VAC14: variants seen among roughly 807,000 people sequenced by gnomAD.
VAC14 encodes VAC14 component of PIKFYVE complex.
Under a neutral mutation model 85.3 loss-of-function variants are expected in VAC14, and 47 were observed. That is an observed-to-expected ratio of 0.55 (90% CI 0.44 to 0.70). VAC14 has a LOEUF of 0.70. Ranked by LOEUF, VAC14 falls within the 30% of genes least tolerant of loss-of-function variation. VAC14 has a pLI of 0.00. For missense variants in VAC14, 861 were observed against 1,004.3 expected, an observed-to-expected ratio of 0.86 and a Z score of 1.93; for synonymous variants, 447 against 430.5, an observed-to-expected ratio of 1.04 and a Z score of -0.47.
chr16:70,755,311 C>G (rs1230840719), intron 12 of VAC14: 2 of 243,270 alleles, frequency 8.2e-6, no homozygotes, highest in Non-Finnish European at 1.7e-5. Flanking sequence ...AGAATGAGGT[C>G]AAAGTTAAAT....
In VAC14 at chr16:70,687,916, G is replaced by A. The variant is rs201590204; in HGVS notation, c.*12C>T. 1.2e-4 allele frequency: 187 copies of A among 1,522,406 alleles called. 1 individual carries two copies. The highest frequency in any genetic ancestry group is 9.4e-4 in the East Asian group (38 of 40,606). 94.3% of individuals were successfully genotyped at this position (1,522,406 alleles called of 1,614,324 possible). A position where few individuals can be genotyped will look rare whatever the true frequency, so the allele number is the denominator to read the frequency against. On this transcript the variant is annotated 3_prime_UTR_variant, in exon 19 of 19. Transcript: ENST00000261776. ...GGGACCACTCGGTGGGCCCTCCTCC[G>A]TGCCAGGCCTGTCAGAGGACAACCC...
chr16:70,692,022 C>G lies in VAC14; in HGVS notation c.2186+799G>C, dbSNP rs1184180210. 4 of 984,556 alleles carry G rather than the reference C, an allele frequency of 4.1e-6. No homozygotes were observed. The African/African-American group carries it at 7.0e-5, about 17-fold the overall frequency. The allele number at this position is 984,556 out of a possible 1,614,324, so 61.0% of individuals were successfully genotyped here. On this transcript the variant is annotated intron_variant, in intron 18 of 18. Coordinates refer to ENST00000261776, the MANE Select transcript of VAC14 (RefSeq NM_018052.5). ...GCGCTCCATTCAGCGTAAATCTTCT[C>G]AGTGGCTCTGCTGGTTTCCATGGCG...
Position 70,781,920 on chromosome 16 carries a change from CGGA to C in VAC14, c.892_894del (p.Ser298del), listed in dbSNP as rs1567601300. 1 of 1,614,130 alleles carries C rather than the reference CGGA, an allele frequency of 6.2e-7. No homozygotes were observed. Among genetic ancestry groups the C allele is most frequent in the Non-Finnish European group, 8.5e-7 (1 of 1,180,028 alleles). ...CAGGGCAAGACAGCAGTCAGGATCC[CGGA>C]GGAGTAAGGCAGCATGACGCGGCCC... On this transcript the variant is annotated inframe_deletion, in exon 8 of 19. Coordinates refer to ENST00000261776, the MANE Select transcript of VAC14 (RefSeq NM_018052.5).
Position 70,687,475 on chromosome 16 carries a change from G to C in VAC14, c.*453C>G, listed in dbSNP as rs951771852. On this transcript the variant is annotated 3_prime_UTR_variant, in exon 19 of 19. Coordinates refer to ENST00000261776, the MANE Select transcript of VAC14 (RefSeq NM_018052.5). ...CTGTTATTTCTTTATTGGGGTGGGGGTGGGGTGCATCATTCAGATCTTTGT... is the reference window on the plus strand; with the variant it reads ...CTGTTATTTCTTTATTGGGGTGGGGCTGGGGTGCATCATTCAGATCTTTGT... 1 of 151,836 alleles carries C rather than the reference G, an allele frequency of 6.6e-6. No individual in the cohort carries two copies. The highest frequency in any genetic ancestry group is 1.5e-5 in the Non-Finnish European group (1 of 68,646). 9.4% of individuals were successfully genotyped at this position (151,836 alleles called of 1,614,324 possible).
intron 1 of VAC14, among the ~76,000 whole-genome samples, chr16:70,799,511 G>A (rs1471285067): frequency 6.6e-6 from 1 of 152,188 alleles, no homozygotes; most frequent in African/African-American, 2.4e-5. Flanking sequence ...TGGATTGCAA[G>A]CAGCAGTTGT....
intron 16 of VAC14, 96 bp from the exon 17 acceptor site, chr16:70,695,719 C>T: frequency 8.3e-7 from 1 of 1,203,326 alleles, no homozygotes. Context: ...GCTTCCTGTG[C>T]ACAGAGCCTG....
At chr16:70,694,538 C>T (rs1387928852) in intron 17 of VAC14, among the ~76,000 whole-genome samples, 1 of 152,148 alleles carries the variant, frequency 6.6e-6, no homozygotes, top group Non-Finnish European at 1.5e-5. Flanking sequence ...TTCTTCAGCC[C>T]CTGCATTCAA....
chr16:70,745,639 C>T (rs1196808509), intron 12 of VAC14, among the ~76,000 whole-genome samples: 1 of 152,232 alleles, frequency 6.6e-6, no homozygotes. Flanking sequence ...CAGGTGGTCG[C>T]CTGCTCTTTC....
chr16:70,729,518 C>T (rs956447618), intron 14 of VAC14, among the ~76,000 whole-genome samples: 6 of 152,146 alleles, frequency 3.9e-5, no homozygotes, highest in African/African-American at 1.4e-4. Context: ...CCCTCAACTC[C>T]CCCAGCAGCA....
intron 12 of VAC14, among the ~76,000 whole-genome samples, chr16:70,756,503 G>C (rs888663524): frequency 6.6e-6 from 1 of 152,218 alleles, no homozygotes; most frequent in Non-Finnish European, 1.5e-5. Context: ...ATGGCAGGGG[G>C]TGCTTCCCAG....
At chr16:70,784,268 G>A (rs1189734646) in intron 4 of VAC14, 48 bp from the exon 5 acceptor site, 1 of 1,496,570 alleles carries the variant, frequency 6.7e-7, no homozygotes, top group African/African-American at 1.4e-5. Context: ...GACCAGGGCT[G>A]CCTGACCTCG....
At chr16:70,753,756 G>C (rs187353717) in intron 12 of VAC14, among the ~76,000 whole-genome samples, 1 of 152,318 alleles carries the variant, frequency 6.6e-6, no homozygotes, top group Non-Finnish European at 1.5e-5. Flanking sequence ...AGGGAATTCT[G>C]GTGACAGTCC....
chr16:70,778,756 G>A (rs2033653393), intron 9 of VAC14: 1 of 152,138 alleles, frequency 6.6e-6, no homozygotes, highest in Non-Finnish European at 1.5e-5. Flanking sequence ...ATTAAAAACT[G>A]GAAAAAATAC....
intron 12 of VAC14, among the ~76,000 whole-genome samples, chr16:70,748,234 C>T (rs565224667): frequency 6.6e-6 from 1 of 152,218 alleles, no homozygotes; most frequent in Non-Finnish European, 1.5e-5. Flanking sequence ...ACACAATGCT[C>T]CCTCTCCAGA....
intron 17 of VAC14, among the ~76,000 whole-genome samples, chr16:70,693,470 G>C (rs1350429005): frequency 1.3e-5 from 2 of 152,236 alleles, no homozygotes; most frequent in Non-Finnish European, 2.9e-5. Flanking sequence ...AGAGAGGGCA[G>C]GATGGAAAAA....
chr16:70,689,975 G>A, intron 18 of VAC14: 1 of 985,532 alleles, frequency 1.0e-6, no homozygotes, highest in Non-Finnish European at 1.2e-6. Flanking sequence ...TGACCCTAAA[G>A]TGTGTCTTCT....
rs780109008 is a variant in VAC14 at position 70,693,088 on chromosome 16, C to T, written c.2036-117G>A. ...CTGGGACTTGGTGCCATGGCACCCA[C>T]AGCCCAAGGACCCAGCTGTGTGGAC... is the stretch of plus-strand genomic sequence containing the variant. On this transcript the variant is annotated intron_variant, in intron 17 of 18. Transcript: ENST00000261776. 8.8e-6 allele frequency: 12 copies of T among 1,365,656 alleles called. No individual in the cohort carries two copies. The East Asian group carries it at 1.2e-4, about 14-fold the overall frequency. 84.6% of individuals were successfully genotyped at this position (1,365,656 alleles called of 1,614,324 possible). A position where few individuals can be genotyped will look rare whatever the true frequency, so the allele number is the denominator to read the frequency against.
At chr16:70,763,496 C>T (rs2032572797) in intron 10 of VAC14, among the ~76,000 whole-genome samples, 1 of 152,128 alleles carries the variant, frequency 6.6e-6, no homozygotes. Flanking sequence ...GGGAAGGTCC[C>T]GATAACAACT....
chr16:70,733,608 C>A (rs2054659889), intron 13 of VAC14, among the ~76,000 whole-genome samples: 1 of 152,014 alleles, frequency 6.6e-6, no homozygotes, highest in Non-Finnish European at 1.5e-5. Flanking sequence ...CTGCTGAGAT[C>A]TGGCTGTTTA....
Sources: gnomAD v4.1 joint callset for allele counts (sites outside exome capture counted in the v4.1 genomes callset) on GRCh38, gnomAD v4.1.1 for gene constraint, MANE v1.5 for transcripts, NCBI Gene and HGNC (gene_info 2026-07-23, HGNC 2026-07-21) for gene names.